Variants in AGBL1 observed in about 807,000 individuals in gnomAD.
The protein encoded by AGBL1 is cytosolic carboxypeptidase 4.
AGBL1 carries 130 observed loss-of-function variants against 118.9 expected under a neutral mutation model. That is an observed-to-expected ratio of 1.09 (90% confidence interval 0.95 to 1.26). AGBL1 has a LOEUF of 1.26. Among genes scored for constraint, AGBL1 ranks in the 50% most tolerant of loss-of-function variants. The pLI is 0.00. For synonymous variants in AGBL1, 555 were observed against 478.9 expected (o/e 1.16, Z -2.08); for missense variants, 1,584 against 1,298.1 (o/e 1.22, Z -3.38).
intron 6 of AGBL1, among the ~76,000 whole-genome samples, chr15:86,234,032 G>T (rs1414312622): frequency 6.6e-6 from 1 of 152,170 alleles, no homozygotes; most frequent in Non-Finnish European, 1.5e-5. Context: ...GGTTGTGATT[G>T]CCACTAATCC....
At chr15:86,132,556 A>G (rs1222329321) in intron 1 of AGBL1, among the ~76,000 whole-genome samples, 2 of 152,176 alleles carry the variant, frequency 1.3e-5, no homozygotes, top group Non-Finnish European at 1.5e-5. Flanking sequence ...TTTGTGCTAT[A>G]ATTTGTCAAC....
intron 22 of AGBL1, among the ~76,000 whole-genome samples, chr15:86,742,292 G>A (rs941849804): frequency 2.6e-5 from 4 of 152,108 alleles, no homozygotes; most frequent in African/African-American, 9.7e-5. Flanking sequence ...CAGACATTTT[G>A]TAGAGGAAGA....
intron 22 of AGBL1, among the ~76,000 whole-genome samples, chr15:86,740,066 C>T (rs2077655933): frequency 6.6e-6 from 1 of 152,166 alleles, no homozygotes; most frequent in Non-Finnish European, 1.5e-5. Context: ...AGAGGCAATA[C>T]ATTTTTTTTT....
intron 17 of AGBL1, among the ~76,000 whole-genome samples, chr15:86,298,261 ATATATATATATATATATATGGTAAC>A (rs1244037344): frequency 1.9e-5 from 2 of 103,096 alleles, no homozygotes; most frequent in African/African-American, 8.8e-5. Context: ...ATATATATAT[ATATATATATATATATATATGGTAAC>A]TATATATATA....
At chr15:86,451,979 GA>G (rs2082199054) in intron 18 of AGBL1, among the ~76,000 whole-genome samples, 1 of 152,026 alleles carries the variant, frequency 6.6e-6, no homozygotes, top group Non-Finnish European at 1.5e-5. Flanking sequence ...TTATTATTCA[GA>G]AATTTCTACT....
intron 24 of AGBL1, among the ~76,000 whole-genome samples, chr15:87,020,499 C>T (rs1018014888): frequency 4.0e-5 from 6 of 151,894 alleles, no homozygotes; most frequent in Admixed American, 2.6e-4. Flanking sequence ...ATGTTCTGGC[C>T]AGGGCAATCA....
chr15:86,701,389 G>A (rs1164144707), intron 22 of AGBL1, among the ~76,000 whole-genome samples: 2 of 151,962 alleles, frequency 1.3e-5, no homozygotes, highest in African/African-American at 2.4e-5. Flanking sequence ...TAATAATTCT[G>A]GAAATCCTTC....
At chr15:86,963,962 G>C (rs566712268) in intron 23 of AGBL1, among the ~76,000 whole-genome samples, 24 of 150,578 alleles carry the variant, frequency 1.6e-4, no homozygotes, top group African/African-American at 5.6e-4. Flanking sequence ...AGAATAGAAA[G>C]CCAGCTCTGC....
chr15:86,492,749 G>A (rs1425095474), intron 18 of AGBL1, among the ~76,000 whole-genome samples: 1 of 152,140 alleles, frequency 6.6e-6, no homozygotes, highest in African/African-American at 2.4e-5. Flanking sequence ...TGAGGGTAGT[G>A]TAGAAGGGAA....
Position 86,356,688 on chromosome 15 carries a change from G to A in AGBL1, c.2375-40678G>A, listed in dbSNP as rs146357532. On this transcript the variant is annotated intron_variant, in intron 17 of 22. Transcript: ENST00000614907. ...GAAGGAAGTAAGAAGCAGGGCTACA[G>A]TTCCTGAGACAAGTTTTTTGAGTTA... Among the ~76,000 whole-genome samples the A allele has an allele frequency of 4.1e-3, 631 of 152,260 alleles. 6 individuals carry two copies. The highest frequency in any genetic ancestry group is 0.014 in the African/African-American group (599 of 41,550).
At chr15:86,301,289 G>T (rs1359975197) in intron 17 of AGBL1, among the ~76,000 whole-genome samples, 1 of 151,936 alleles carries the variant, frequency 6.6e-6, no homozygotes, top group Non-Finnish European at 1.5e-5. Flanking sequence ...CTCAATTGCT[G>T]GTGAGAGATT....
At chr15:86,866,578 G>C (rs1008806956) in intron 22 of AGBL1, among the ~76,000 whole-genome samples, 2 of 152,344 alleles carry the variant, frequency 1.3e-5, no homozygotes, top group South Asian at 2.1e-4. Context: ...CTCTGGCCGG[G>C]TGTGGTGGCT....
At chr15:86,429,775 C>T (rs954269755) in intron 18 of AGBL1, among the ~76,000 whole-genome samples, 4 of 152,202 alleles carry the variant, frequency 2.6e-5, no homozygotes, top group Admixed American at 2.6e-4. Context: ...CTTAACATTG[C>T]CTTTGAGCAT....
At chr15:86,363,832 C>A (rs894253822) in intron 17 of AGBL1, among the ~76,000 whole-genome samples, 2 of 152,096 alleles carry the variant, frequency 1.3e-5, no homozygotes, top group African/African-American at 4.8e-5. Context: ...TAACCCTCCC[C>A]CTGCCCCACT....
Position 86,167,298 on chromosome 15 carries a change from T to TGCAGTG in AGBL1, c.488+8275_488+8280dup, listed in dbSNP as rs577592290. The stretch of plus-strand genomic sequence containing the variant: ...TCTCACTCCGTTGCCCAGGCTGGAG[T>TGCAGTG]GCAGTGGCCTGATCCTGGCTCGCTG... On this transcript the variant is annotated intron_variant, in intron 5 of 22. Transcript: ENST00000614907. Among the ~76,000 whole-genome samples, 76 of 151,634 alleles carry TGCAGTG rather than the reference T, an allele frequency of 5.0e-4. 1 individual carries two copies. In the East Asian group the frequency reaches 0.013, roughly 27 times the overall value.
At chr15:86,379,369 T>C (rs1480311260) in intron 17 of AGBL1, among the ~76,000 whole-genome samples, 1 of 152,228 alleles carries the variant, frequency 6.6e-6, no homozygotes. Context: ...TCCATCTTTC[T>C]AAATTTTTAT....
At chr15:86,523,996 G>A (rs1469007466) in intron 19 of AGBL1, among the ~76,000 whole-genome samples, 1 of 152,108 alleles carries the variant, frequency 6.6e-6, no homozygotes, top group African/African-American at 2.4e-5. Context: ...CTCACATACG[G>A]GCCAAATCAA....
At chr15:86,436,659 G>T (rs1272774292) in intron 18 of AGBL1, among the ~76,000 whole-genome samples, 1 of 152,062 alleles carries the variant, frequency 6.6e-6, no homozygotes, top group East Asian at 1.9e-4. Flanking sequence ...TTAATGGGAA[G>T]ACTTATATTA....
chr15:86,246,248 G>A (rs1042030775), intron 6 of AGBL1, among the ~76,000 whole-genome samples: 11 of 152,186 alleles, frequency 7.2e-5, no homozygotes, highest in African/African-American at 2.4e-4. Flanking sequence ...CACTGATAGG[G>A]GGTAAAGTTA....
Sources: allele counts gnomAD v4.1 joint callset (sites outside exome capture counted in the v4.1 genomes callset), GRCh38; gene constraint gnomAD v4.1.1; transcripts MANE v1.5; gene names NCBI Gene and HGNC (gene_info 2026-07-23, HGNC 2026-07-21).